The following MGAM variants were observed in gnomAD, a reference collection of about 807,000 sequenced individuals.
The protein encoded by MGAM is alpha-1,4-glucosidase.
Under a neutral mutation model 358.8 loss-of-function variants are expected in MGAM, and 253 were observed. The ratio of observed to expected loss-of-function variants is 0.71; its 90% confidence interval spans 0.64 to 0.78. The LOEUF (loss-of-function observed/expected upper bound fraction) is 0.78. MGAM is among the 30% of genes least tolerant of loss of function. MGAM has a pLI of 0.00. For synonymous variants in MGAM, 1,105 were observed against 1,227.1 expected (o/e 0.90, Z 2.08); for missense variants, 3,080 against 3,432.6 (o/e 0.90, Z 2.57).
intron 21 of MGAM, among the ~76,000 whole-genome samples, chr7:142,045,601 A>G (rs1318652433): frequency 9.2e-6 from 1 of 108,332 alleles, no homozygotes; most frequent in Non-Finnish European, 1.7e-5. Flanking sequence ...ATATATGAAT[A>G]TATAATATAT....
At position 142,044,187 on chromosome 7, in the gene MGAM, CAT is replaced by C. The variant is rs1189042470; in HGVS notation, c.2498+3345_2498+3346del. On this transcript the variant is annotated intron_variant, in intron 21 of 70. Transcript: ENST00000475668. ...ATATATACATTATATACACATACGA[CAT>C]ATAATATATAATATATACATTATAT... 7.4e-5 allele frequency among the ~76,000 whole-genome samples: 5 copies of C among 67,220 alleles called. 1 individual carries two copies. The East Asian group carries it at 1.1e-3, about 14-fold the overall frequency. 44.1% of individuals were successfully genotyped at this position (67,220 alleles called of 152,430 possible). A position where few individuals can be genotyped will look rare whatever the true frequency, so the allele number is the denominator to read the frequency against.
intron 36 of MGAM, 59 bp downstream of exon 36, chr7:142,063,645 G>T: frequency 6.4e-7 from 1 of 1,573,254 alleles, no homozygotes. Flanking sequence ...TACACTGGAG[G>T]AGCCCGAGGC....
At chr7:142,104,693 A>T (rs540933928) in intron 70 of MGAM, among the ~76,000 whole-genome samples, 43 of 152,170 alleles carry the variant, frequency 2.8e-4, no homozygotes, top group Non-Finnish European at 5.1e-4. Flanking sequence ...GACAATAACA[A>T]TTATGCCATG....
At chr7:142,010,734 G>A (rs1035308167) in intron 3 of MGAM, among the ~76,000 whole-genome samples, 1 of 152,086 alleles carries the variant, frequency 6.6e-6, no homozygotes, top group African/African-American at 2.4e-5. Context: ...TGTACGTTGA[G>A]CCAAGTTCAA....
At chr7:142,005,899 T>A (rs1171422494) in intron 2 of MGAM, among the ~76,000 whole-genome samples, 1 of 152,078 alleles carries the variant, frequency 6.6e-6, no homozygotes, top group African/African-American at 2.4e-5. Flanking sequence ...TTAAAAATAT[T>A]TGCCAAATTT....
chr7:142,003,465 C>T (rs991084258), intron 1 of MGAM, among the ~76,000 whole-genome samples: 8 of 151,888 alleles, frequency 5.3e-5, no homozygotes, highest in African/African-American at 1.9e-4. Flanking sequence ...GGTGAAAGGA[C>T]TCCCTATTCA....
rs377309902 is a variant in MGAM, at chr7:142,067,293, G to T, written c.4920-48G>T. 25 of 1,223,118 alleles carry T rather than the reference G, an allele frequency of 2.0e-5. 2 individuals are homozygous for T. Among genetic ancestry groups the T allele is most frequent in the South Asian group, 1.7e-4 (14 of 80,736 alleles). The allele number at this position is 1,223,118 out of a possible 1,614,324, so 75.8% of individuals were successfully genotyped here. ...TTGAGGAGCTTCTTCAGAGTGTCGGGCTGGGGCTCTGTTGGGCTCTGTTGG... is the reference window on the plus strand; with the variant it reads ...TTGAGGAGCTTCTTCAGAGTGTCGGTCTGGGGCTCTGTTGGGCTCTGTTGG... On this transcript the variant is annotated intron_variant, in intron 41 of 70. Coordinates refer to ENST00000475668, the MANE Select transcript of MGAM (RefSeq NM_001365693.1).
At chr7:142,088,863 ATCT>A in intron 57 of MGAM, among the ~76,000 whole-genome samples, 1 of 136,936 alleles carries the variant, frequency 7.3e-6, no homozygotes, top group African/African-American at 2.6e-5. Context: ...CTATCTATCT[ATCT>A]ATCTAATCTA....
At chr7:142,025,275 G>C (rs1025193571) in intron 8 of MGAM, 126 bp downstream of exon 8, 7 of 676,186 alleles carry the variant, frequency 1.0e-5, no homozygotes, top group Non-Finnish European at 1.8e-5. Flanking sequence ...GGGCCTTATA[G>C]ATTCTCTAAT....
At position 142,036,868 on chromosome 7, in the gene MGAM, T is replaced by G; in HGVS notation, c.2122T>G (p.Ser708Ala). ...SFGADSLLLNSSRHYLNIRYT... is the reference protein window; with the variant it reads ...SFGADSLLLNASRHYLNIRYT... Reference sequence around the variant, plus strand: ...TGGAGCTGACTCCCTGCTGTTGAATTCCTCCAGGCACTACCTTAACATCCG... The same window carrying G: ...TGGAGCTGACTCCCTGCTGTTGAATGCCTCCAGGCACTACCTTAACATCCG... Residue 708 changes from serine to alanine, a missense_variant, in exon 18 of 71, where the codon TCC becomes GCC. Physicochemically the swap from Ser to Ala is moderately conservative, Grantham distance 99 (BLOSUM62 1). Around this residue, in one of 5 missense-constraint regions of MGAM, gnomAD observed 1,816 missense variants for 1,840.5 expected, o/e 0.99. Coordinates refer to ENST00000475668, the MANE Select transcript of MGAM (RefSeq NM_001365693.1). 6.2e-7 allele frequency: 1 copy of G among 1,613,630 alleles called. No homozygotes were observed. Among genetic ancestry groups the G allele is most frequent in the South Asian group, 1.1e-5 (1 of 91,052 alleles).
At chr7:142,102,711 G>A (rs765676721) in intron 69 of MGAM, 32 bp downstream of exon 69, 3 of 1,602,004 alleles carry the variant, frequency 1.9e-6, no homozygotes, top group South Asian at 2.2e-5. Context: ...TGAGAATAGG[G>A]TTCCACTGGC....
chr7:142,094,935 A>G, intron 63 of MGAM, 72 bp downstream of exon 63: 2 of 1,478,212 alleles, frequency 1.4e-6, no homozygotes, highest in Non-Finnish European at 1.9e-6. Context: ...AAGTTAATGC[A>G]GTCTGTATTT....
intron 45 of MGAM, 64 bp from the exon 46 acceptor site, chr7:142,076,139 G>T (rs1585063767): frequency 1.6e-6 from 2 of 1,231,568 alleles, no homozygotes; most frequent in South Asian, 2.4e-5. Context: ...AAGAGTGGGA[G>T]TGTGAAATCT....
rs555993811 is a variant in MGAM, at chr7:142,087,738, C to T, written c.6810+1021C>T. On this transcript the variant is annotated intron_variant, in intron 57 of 70. Coordinates refer to ENST00000475668, the MANE Select transcript of MGAM (RefSeq NM_001365693.1). The stretch of plus-strand genomic sequence containing the variant: ...AAGCTGACTTGTGCAGTCAGCAATG[C>T]GGTATATGTTGTAGTGTCTAGATAC... 3.0e-4 allele frequency among the ~76,000 whole-genome samples: 44 copies of T among 146,526 alleles called. 2 individuals are homozygous for T. The South Asian group carries it at 8.9e-3, about 30-fold the overall frequency.
chr7:142,063,112 C>G (rs548938398), intron 35 of MGAM, among the ~76,000 whole-genome samples: 1 of 152,062 alleles, frequency 6.6e-6, no homozygotes, highest in East Asian at 1.9e-4. Context: ...GGAGGAGAAT[C>G]GCTTGAACAT....
chr7:142,009,693 G>A (rs1225317665), intron 3 of MGAM, among the ~76,000 whole-genome samples: 4 of 151,588 alleles, frequency 2.6e-5, no homozygotes, highest in African/African-American at 9.8e-5. Flanking sequence ...ATTACTCCAC[G>A]GCCTTGGCGT....
intron 9 of MGAM, 105 bp downstream of exon 9, chr7:142,027,332 A>G (rs2129000754): frequency 1.1e-6 from 1 of 929,744 alleles, no homozygotes. Context: ...CTGCTGTTAC[A>G]AATTTGAGAT....
chr7:142,016,951 A>C (rs531076650), intron 3 of MGAM, among the ~76,000 whole-genome samples: 1 of 152,112 alleles, frequency 6.6e-6, no homozygotes, highest in South Asian at 2.1e-4. Context: ...TTAGTTTAGG[A>C]TGTGTAAACT....
intron 1 of MGAM, among the ~76,000 whole-genome samples, chr7:141,996,536 T>C (rs906774340): frequency 3.9e-5 from 6 of 152,110 alleles, no homozygotes; most frequent in African/African-American, 1.4e-4. Context: ...ATACTTAGGT[T>C]GAGGTAGCAG....
Sources: allele counts gnomAD v4.1 joint callset (sites outside exome capture counted in the v4.1 genomes callset), GRCh38; gene constraint gnomAD v4.1.1; regional missense constraint gnomAD v4.1.1; transcripts MANE v1.5; gene names NCBI Gene and HGNC (gene_info 2026-07-23, HGNC 2026-07-21).